UNC79: variants seen among roughly 807,000 people sequenced by gnomAD.
UNC79 encodes unc-79 subunit of NALCN channel complex.
UNC79 carries 37 observed loss-of-function variants against 283.1 expected under a neutral mutation model. That is an observed-to-expected ratio of 0.13 (90% CI 0.10 to 0.17). The LOEUF is 0.17. Among genes scored for constraint, UNC79 ranks in the 10% least tolerant of loss-of-function variants. The pLI is 1.00. For synonymous variants in UNC79, 1,107 were observed against 1,200.2 expected (o/e 0.92, Z 1.61); for missense variants, 2,272 against 3,211.1 (o/e 0.71, Z 7.07).
chr14:93,581,921 G>A (rs2063846534), intron 19 of UNC79, among the ~76,000 whole-genome samples: 1 of 152,206 alleles, frequency 6.6e-6, no homozygotes, highest in African/African-American at 2.4e-5. Flanking sequence ...CTAATGCAGA[G>A]GTGAGAAAGC....
At chr14:93,354,181 T>C (rs981118639) in intron 1 of UNC79, among the ~76,000 whole-genome samples, 2 of 152,282 alleles carry the variant, frequency 1.3e-5, no homozygotes, top group Admixed American at 1.3e-4. Context: ...TATGTTAACT[T>C]TAAGGGTTTT....
intron 47 of UNC79, among the ~76,000 whole-genome samples, chr14:93,698,139 G>A (rs1421585225): frequency 2.0e-5 from 3 of 151,950 alleles, no homozygotes; most frequent in Non-Finnish European, 4.4e-5. Context: ...TTGCTTTATG[G>A]CCCAGAATAT....
chr14:93,337,949 C>T (rs545779878), intron 1 of UNC79, among the ~76,000 whole-genome samples: 1 of 152,198 alleles, frequency 6.6e-6, no homozygotes, highest in Non-Finnish European at 1.5e-5. Context: ...GTGTCTATGC[C>T]AGTGCCTGGA....
chr14:93,667,521 TA>T (rs1291068604), intron 40 of UNC79, among the ~76,000 whole-genome samples: 1 of 152,168 alleles, frequency 6.6e-6, no homozygotes, highest in Non-Finnish European at 1.5e-5. Context: ...AGTAACTGAC[TA>T]GACTTAGGTG....
intron 25 of UNC79, 83 bp from the exon 26 acceptor site, chr14:93,603,156 C>A: frequency 2.7e-6 from 4 of 1,477,170 alleles, no homozygotes; most frequent in Non-Finnish European, 2.7e-6. Context: ...TGAAACTCTA[C>A]ACAGATGGAT....
At chr14:93,347,715 T>A (rs1443997278) in intron 1 of UNC79, among the ~76,000 whole-genome samples, 1 of 152,112 alleles carries the variant, frequency 6.6e-6, no homozygotes, top group African/African-American at 2.4e-5. Context: ...CGCGGAGGAA[T>A]GATTTACCAT....
At chr14:93,622,394 A>T in exon 30 of UNC79, 1 of 1,614,118 alleles carries the variant, frequency 6.2e-7, no homozygotes, top group South Asian at 1.1e-5. Context: ...GGAAGACCCT[A>T]TGGACGCCGA....
chr14:93,409,715 T>C (rs2055297773), intron 1 of UNC79, among the ~76,000 whole-genome samples: 1 of 152,076 alleles, frequency 6.6e-6, no homozygotes, highest in African/African-American at 2.4e-5. Flanking sequence ...TGGAAACATA[T>C]ATAAAAAATA....
At chr14:93,334,741 C>G (rs2053538442) in intron 1 of UNC79, 1 of 152,230 alleles carries the variant, frequency 6.6e-6, no homozygotes, top group Non-Finnish European at 1.5e-5. Context: ...AGAGGGCCGA[C>G]TTTTCTTATA....
intron 1 of UNC79, among the ~76,000 whole-genome samples, chr14:93,340,467 A>AAAAAGAGTT (rs1555396120): frequency 7.6e-5 from 11 of 145,554 alleles, no homozygotes; most frequent in South Asian, 4.4e-4. Flanking sequence ...AAAAAAAAGA[A>AAAAAGAGTT]GGCCACCTAT....
At chr14:93,542,400 T>G (rs944243687) in intron 13 of UNC79, 66 bp from the exon 14 acceptor site, 1 of 1,479,736 alleles carries the variant, frequency 6.8e-7, no homozygotes, top group African/African-American at 1.4e-5. Flanking sequence ...TGCCTCTTAA[T>G]GCACCTATAA....
exon 1 of UNC79, chr14:93,333,242 C>CGGGCGTCGGGTCGCTGGGAGTT (rs2053493539): frequency 5.5e-6 from 2 of 361,064 alleles, no homozygotes; most frequent in South Asian, 1.7e-4. Context: ...GGCTGGGAGC[C>CGGGCGTCGGGTCGCTGGGAGTT]GGGCGTCGGG....
chr14:93,454,336 C>T (rs1566945491), intron 1 of UNC79, among the ~76,000 whole-genome samples: 1 of 152,324 alleles, frequency 6.6e-6, no homozygotes, highest in Middle Eastern at 3.4e-3. Context: ...TGAGCCATCA[C>T]ATCTGGCCTA....
intron 3 of UNC79, among the ~76,000 whole-genome samples, chr14:93,475,554 C>G (rs1160936649): frequency 6.6e-6 from 1 of 152,056 alleles, no homozygotes; most frequent in African/African-American, 2.4e-5. Context: ...AATTCTGTAG[C>G]CGTCTTAAAT....
intron 1 of UNC79, chr14:93,347,134 G>A: frequency 2.0e-6 from 2 of 997,800 alleles, no homozygotes; most frequent in East Asian, 2.7e-5. Flanking sequence ...GGTGGGGTAG[G>A]GGGCGAGGGC....
At chr14:93,658,456 T>C (rs1209149487) in intron 38 of UNC79, among the ~76,000 whole-genome samples, 5 of 152,194 alleles carry the variant, frequency 3.3e-5, no homozygotes, top group Non-Finnish European at 7.3e-5. Flanking sequence ...TTAATGTAGG[T>C]GCACAGCTGC....
chr14:93,673,189 T>A (rs1413596490), intron 40 of UNC79, among the ~76,000 whole-genome samples, 162 bp from the exon 44 acceptor site: 3 of 151,680 alleles, frequency 2.0e-5, no homozygotes, highest in Admixed American at 1.3e-4. Flanking sequence ...CAAAAATGCC[T>A]TTTTTTTGTT....
chr14:93,516,556 C>T (rs1259190679), intron 7 of UNC79, among the ~76,000 whole-genome samples: 5 of 151,820 alleles, frequency 3.3e-5, no homozygotes, highest in Admixed American at 2.0e-4. Flanking sequence ...AAGTGATTCT[C>T]CTGCCTCAGC....
intron 43 of UNC79, among the ~76,000 whole-genome samples, chr14:93,687,902 T>C (rs758866619): frequency 2.6e-5 from 4 of 152,078 alleles, no homozygotes; most frequent in Non-Finnish European, 4.4e-5. Context: ...AGACATAATC[T>C]CACCCTCTGA....
Sources: gnomAD v4.1 joint callset for allele counts (sites outside exome capture counted in the v4.1 genomes callset) on GRCh38, gnomAD v4.1.1 for gene constraint, MANE v1.5 for transcripts, NCBI Gene and HGNC (gene_info 2026-07-23, HGNC 2026-07-21) for gene names.